CDK14: variants seen among roughly 807,000 people sequenced by gnomAD.
CDK14 encodes cyclin dependent kinase 14, also known as cyclin-dependent kinase 14.
Under a neutral mutation model 60.7 loss-of-function variants are expected in CDK14, and 34 were observed. That is an observed-to-expected ratio of 0.56 (90% CI 0.43 to 0.75). The LOEUF (loss-of-function observed/expected upper bound fraction) is 0.75, where lower values mean the gene tolerates loss of function less well. Among genes scored for constraint, CDK14 ranks in the 30% least tolerant of loss-of-function variants. The pLI, the probability that CDK14 is intolerant of heterozygous loss-of-function variation, is 0.00. For synonymous variants in CDK14, 197 were observed against 203.7 expected, an observed-to-expected ratio of 0.97 and a Z score of 0.28; for missense variants, 482 against 564.1, an observed-to-expected ratio of 0.85 and a Z score of 1.47.
intron 5 of CDK14, among the ~76,000 whole-genome samples, chr7:90,846,260 A>G (rs1258125297): frequency 2.0e-5 from 3 of 152,194 alleles, no homozygotes; most frequent in Non-Finnish European, 4.4e-5. Flanking sequence ...AAGGTTCCAC[A>G]CTTGGCTCCA....
chr7:90,767,551 T>G (rs914821640), intron 4 of CDK14, among the ~76,000 whole-genome samples: 1 of 152,170 alleles, frequency 6.6e-6, no homozygotes, highest in East Asian at 1.9e-4. Context: ...CACCTTCCCT[T>G]TCTATCAGAT....
intron 2 of CDK14, among the ~76,000 whole-genome samples, chr7:90,618,197 A>G (rs1799692095): frequency 6.6e-6 from 1 of 152,188 alleles, no homozygotes; most frequent in African/African-American, 2.4e-5. Context: ...GGAAACAGAC[A>G]GGTTTTTAAT....
intron 11 of CDK14, among the ~76,000 whole-genome samples, chr7:91,062,054 C>A (rs1020524363): frequency 6.6e-6 from 1 of 152,216 alleles, no homozygotes; most frequent in Non-Finnish European, 1.5e-5. Flanking sequence ...CCACCCAGTT[C>A]GAGCTTCCTG....
At chr7:90,695,044 A>T (rs539618170) in intron 2 of CDK14, among the ~76,000 whole-genome samples, 4 of 152,164 alleles carry the variant, frequency 2.6e-5, no homozygotes, top group Non-Finnish European at 5.9e-5. Context: ...TTCCCTGCTT[A>T]TGACACCCTG....
Position 90,953,099 on chromosome 7 carries a change from T to C in CDK14, c.827-2598T>C, listed in dbSNP as rs116688857. ...GATTTTCTCCCTTCCTGAAAAGTTT[T>C]GGGATTTTCTTATCCTATTAACCAA... is the stretch of plus-strand genomic sequence containing the variant. On this transcript the variant is annotated intron_variant, in intron 8 of 14. Transcript: ENST00000380050. Among the ~76,000 whole-genome samples the C allele has an allele frequency of 8.1e-3, 1,238 of 152,306 alleles. 25 individuals are homozygous for C. Among genetic ancestry groups the C allele is most frequent in the African/African-American group, 0.026 (1,070 of 41,576 alleles).
At chr7:90,763,855 G>T (rs909107122) in intron 4 of CDK14, among the ~76,000 whole-genome samples, 3 of 152,100 alleles carry the variant, frequency 2.0e-5, no homozygotes, top group Non-Finnish European at 4.4e-5. Context: ...GCTTTGTATA[G>T]AGGGGGCCCT....
At chr7:91,100,614 T>C (rs984719318) in intron 12 of CDK14, among the ~76,000 whole-genome samples, 1 of 152,208 alleles carries the variant, frequency 6.6e-6, no homozygotes, top group Non-Finnish European at 1.5e-5. Context: ...AAGGCTGCTA[T>C]AATTATGTCA....
chr7:90,684,283 T>C (rs556233890), intron 2 of CDK14, among the ~76,000 whole-genome samples: 1 of 152,340 alleles, frequency 6.6e-6, no homozygotes, highest in East Asian at 1.9e-4. Context: ...AGTTGTTCTT[T>C]TATTGTATAT....
intron 8 of CDK14, among the ~76,000 whole-genome samples, chr7:90,920,938 A>AT (rs55658591): frequency 0.17 from 26,182 of 150,502 alleles, 2,316 homozygotes; most frequent in South Asian, 0.22. Context: ...TGCTGTAACT[A>AT]TTTTTTTTTT....
At chr7:90,659,881 G>GC (rs1563034419) in intron 2 of CDK14, among the ~76,000 whole-genome samples, 8 of 104,142 alleles carry the variant, frequency 7.7e-5, no homozygotes, top group African/African-American at 2.7e-4. Context: ...CTCTCTGTGT[G>GC]TGTGTGTGTG....
At chr7:90,652,235 G>A (rs1164890164) in intron 2 of CDK14, among the ~76,000 whole-genome samples, 1 of 152,170 alleles carries the variant, frequency 6.6e-6, no homozygotes, top group Non-Finnish European at 1.5e-5. Context: ...AGTACTTGCT[G>A]AGAAGGGATA....
intron 6 of CDK14, among the ~76,000 whole-genome samples, chr7:90,864,751 G>A (rs935040888): frequency 1.3e-5 from 2 of 152,068 alleles, no homozygotes; most frequent in African/African-American, 4.8e-5. Flanking sequence ...CCAAATAAAA[G>A]GAAATAAATT....
chr7:90,756,365 T>A (rs997852953), intron 4 of CDK14, among the ~76,000 whole-genome samples: 39 of 152,338 alleles, frequency 2.6e-4, no homozygotes, highest in Middle Eastern at 3.4e-3. Flanking sequence ...TTGGAGATAG[T>A]TGAAGAATTT....
chr7:90,675,748 T>C (rs1420196864), intron 2 of CDK14, among the ~76,000 whole-genome samples: 1 of 152,240 alleles, frequency 6.6e-6, no homozygotes, highest in African/African-American at 2.4e-5. Flanking sequence ...GTAATATGAT[T>C]CAAGGATAGC....
chr7:90,712,687 A>G (rs1802109140), intron 2 of CDK14, among the ~76,000 whole-genome samples: 1 of 152,118 alleles, frequency 6.6e-6, no homozygotes. Context: ...ATATTTATCT[A>G]TGGATGTATT....
chr7:90,748,843 C>A (rs1803697725), intron 4 of CDK14, among the ~76,000 whole-genome samples: 1 of 152,156 alleles, frequency 6.6e-6, no homozygotes, highest in Admixed American at 6.5e-5. Flanking sequence ...CTGGCCTCGG[C>A]CACCCAAAGT....
chr7:91,009,534 T>G (rs1796090707), intron 10 of CDK14, among the ~76,000 whole-genome samples: 1 of 152,168 alleles, frequency 6.6e-6, no homozygotes, highest in African/African-American at 2.4e-5. Flanking sequence ...TTTTAGACGT[T>G]TTAATAGGTA....
chr7:90,687,414 T>C (rs951378086), intron 2 of CDK14, among the ~76,000 whole-genome samples: 2 of 152,090 alleles, frequency 1.3e-5, no homozygotes, highest in African/African-American at 4.8e-5. Context: ...AAACAAGAAC[T>C]GTGAGAAAAA....
rs147509946 is a variant in CDK14 at position 90,878,780 on chromosome 7, G to T, written c.639+15511G>T. Among the ~76,000 whole-genome samples, 9 of 152,210 alleles carry T rather than the reference G, an allele frequency of 5.9e-5. No individual in the cohort carries two copies. The East Asian group carries it at 1.7e-3, about 29-fold the overall frequency. On this transcript the variant is annotated intron_variant, in intron 6 of 14. Coordinates refer to ENST00000380050, the MANE Select transcript of CDK14 (RefSeq NM_001287135.2). ...TAGAAAAGTTAACTTTAGATGAGAA[G>T]TAATTTTAAAAAAAGAGAGAAGTAA...
Sources: gnomAD v4.1 joint callset for allele counts (sites outside exome capture counted in the v4.1 genomes callset) on GRCh38, gnomAD v4.1.1 for gene constraint, MANE v1.5 for transcripts, NCBI Gene and HGNC (gene_info 2026-07-23, HGNC 2026-07-21) for gene names.